Variants in KLF12 observed in about 807,000 individuals in gnomAD.
KLF12 encodes Krueppel-like factor 12.
In KLF12, 9 loss-of-function variants were observed where a neutral mutation model predicts 37.8. The observed-to-expected ratio is 0.24, with a 90% CI of 0.14 to 0.42. The LOEUF is 0.42. Ranked by LOEUF, KLF12 falls within the 10% of genes least tolerant of loss-of-function variation. The pLI is 1.00. For missense variants in KLF12, 411 were observed against 516.0 expected (o/e 0.80, Z 1.97); for synonymous variants, 208 against 202.1 (o/e 1.03, Z -0.25).
chr13:73,891,410 A>T (rs1030874976), intron 3 of KLF12, among the ~76,000 whole-genome samples: 1 of 152,170 alleles, frequency 6.6e-6, no homozygotes, highest in African/African-American at 2.4e-5. Flanking sequence ...AGTTGAATAC[A>T]TTAACATTGG....
At chr13:74,249,379 C>CACACAA in the KLF12 span, among the ~76,000 whole-genome samples, 1 of 138,568 alleles carries the variant, frequency 7.2e-6, no homozygotes, top group Admixed American at 7.2e-5. Context: ...CACACACACA[C>CACACAA]GCACACCCTC....
At chr13:73,874,628 T>C (rs897900790) in intron 3 of KLF12, among the ~76,000 whole-genome samples, 1 of 152,212 alleles carries the variant, frequency 6.6e-6, no homozygotes, top group Non-Finnish European at 1.5e-5. Context: ...CATAGTCATA[T>C]AGGCCTGAAG....
rs139874932 is a variant in KLF12, at chr13:73,985,595, C to A, written c.33+9395G>T. ...TTACTTACAGTCCTGGCTCTAACGA[C>A]TCTCCATGTGTTTGCTCTCAATCTT... On this transcript the variant is annotated intron_variant, in intron 2 of 7. Coordinates refer to ENST00000377669, the MANE Select transcript of KLF12 (RefSeq NM_007249.5). 1.2e-4 allele frequency among the ~76,000 whole-genome samples: 19 copies of A among 152,278 alleles called. No homozygotes were observed. The East Asian group carries it at 3.7e-3, about 29-fold the overall frequency.
intron 6 of KLF12, among the ~76,000 whole-genome samples, chr13:73,753,443 CTCA>C (rs1878924983): frequency 6.6e-6 from 1 of 152,128 alleles, no homozygotes; most frequent in Non-Finnish European, 1.5e-5. Flanking sequence ...CAATCATATC[CTCA>C]TTACATTTTC....
chr13:74,200,061 A>C, the KLF12 span, among the ~76,000 whole-genome samples: 61,888 of 151,968 alleles, frequency 0.41, 15,722 homozygotes, highest in East Asian at 0.73. Context: ...ACTCAAGGAG[A>C]TCACACGGCA....
At chr13:74,212,861 T>C in the KLF12 span, among the ~76,000 whole-genome samples, 4 of 152,140 alleles carry the variant, frequency 2.6e-5, no homozygotes, top group Non-Finnish European at 1.5e-5. Context: ...TTTAAATTCT[T>C]TTTTTTCAGT....
intron 3 of KLF12, among the ~76,000 whole-genome samples, chr13:73,938,608 A>G (rs1054059418): frequency 4.6e-5 from 7 of 152,204 alleles, no homozygotes; most frequent in African/African-American, 1.4e-4. Flanking sequence ...ATAAAGCATA[A>G]GCTCTGCTCT....
chr13:73,821,097 T>C (rs1476070827), intron 4 of KLF12, among the ~76,000 whole-genome samples: 1 of 152,234 alleles, frequency 6.6e-6, no homozygotes, highest in Non-Finnish European at 1.5e-5. Flanking sequence ...CTGACTGAAA[T>C]ACATTATTCT....
chr13:73,697,008 T>C (rs1247541313), intron 7 of KLF12, among the ~76,000 whole-genome samples: 2 of 152,142 alleles, frequency 1.3e-5, no homozygotes, highest in Non-Finnish European at 2.9e-5. Context: ...GATCTGGGAC[T>C]ATTCTGCCTC....
chr13:73,956,860 G>T lies in KLF12; in HGVS notation c.34-12790C>A, dbSNP rs190363559. Reference sequence around the variant, plus strand: ...TGATCACTTGAGCCTGGGAGGTCGAGGCTATGACCCATAATTGTTCCACTG... The same window carrying T: ...TGATCACTTGAGCCTGGGAGGTCGATGCTATGACCCATAATTGTTCCACTG... On this transcript the variant is annotated intron_variant, in intron 2 of 7. Transcript: ENST00000377669. Among the ~76,000 whole-genome samples the T allele has an allele frequency of 5.6e-3, 844 of 151,806 alleles. 8 individuals carry two copies. Among genetic ancestry groups the T allele is most frequent in the African/African-American group, 0.019 (786 of 41,352 alleles).
At position 74,125,394 on chromosome 13, in the gene KLF12, T is replaced by C. The variant is rs117472564; in HGVS notation, c.-32+8345A>G. 2.2e-3 allele frequency among the ~76,000 whole-genome samples: 330 copies of C among 152,266 alleles called. 3 individuals are homozygous for C. The highest frequency in any genetic ancestry group is 8.3e-3 in the East Asian group (43 of 5,182). On this transcript the variant is annotated intron_variant, in intron 1 of 7. Coordinates refer to ENST00000377669, the MANE Select transcript of KLF12 (RefSeq NM_007249.5). ...TACATTATAATGTGCCACATAATTC[T>C]TACCCCACCCTCCTTGATTTTCAGC...
chr13:74,146,448 C>A, the KLF12 span, among the ~76,000 whole-genome samples: 4 of 151,980 alleles, frequency 2.6e-5, no homozygotes, highest in African/African-American at 9.7e-5. Flanking sequence ...TAAGACAGTA[C>A]AAAGCTTGAA....
intron 1 of KLF12, among the ~76,000 whole-genome samples, chr13:74,055,613 C>T (rs1417733498): frequency 1.3e-5 from 2 of 152,138 alleles, no homozygotes; most frequent in African/African-American, 4.8e-5. Flanking sequence ...TCTGTTTTCA[C>T]CTGGGCTTAG....
In KLF12 at chr13:73,718,805, G is replaced by A. The variant is rs918790122; in HGVS notation, c.870-3280C>T. 2.0e-5 allele frequency among the ~76,000 whole-genome samples: 3 copies of A among 152,122 alleles called. No individual in the cohort carries two copies. The East Asian group carries it at 5.8e-4, about 29-fold the overall frequency. On this transcript the variant is annotated intron_variant, in intron 6 of 7. Transcript: ENST00000377669. ...GCTACTTGGGAGGCTGAGGTGAGAGGATTGCTTAGGCTGGGGAGGTGGAGG... is the reference window on the plus strand; with the variant it reads ...GCTACTTGGGAGGCTGAGGTGAGAGAATTGCTTAGGCTGGGGAGGTGGAGG...
At chr13:73,821,764 C>T (rs1285407128) in intron 4 of KLF12, among the ~76,000 whole-genome samples, 5 of 152,142 alleles carry the variant, frequency 3.3e-5, no homozygotes, top group African/African-American at 4.8e-5. Flanking sequence ...GTCTTATCCC[C>T]GAAGCCCCTG....
At chr13:73,902,881 A>G (rs1422565046) in intron 3 of KLF12, among the ~76,000 whole-genome samples, 2 of 152,076 alleles carry the variant, frequency 1.3e-5, no homozygotes, top group Admixed American at 6.6e-5. Flanking sequence ...GGAGAAACCT[A>G]AAAAAAATTC....
chr13:73,714,302 C>CAGGG (rs1875628034), intron 7 of KLF12, among the ~76,000 whole-genome samples: 1 of 152,112 alleles, frequency 6.6e-6, no homozygotes, highest in African/African-American at 2.4e-5. Context: ...GGGAAAAGAA[C>CAGGG]AGGGAGCAGA....
At chr13:74,078,917 T>C (rs575938718) in intron 1 of KLF12, among the ~76,000 whole-genome samples, 125 of 152,166 alleles carry the variant, frequency 8.2e-4, no homozygotes, top group Admixed American at 3.0e-3. Flanking sequence ...TAAGTGCAAA[T>C]AAGAGACAAA....
rs530441931 is a variant in KLF12, at chr13:73,742,038, C to T, written c.869+22900G>A. ...TTTTACAAGAGGCTGAAAAAGCCTA[C>T]GGATATGGTGAGTTTTAAGCCCAAC... On this transcript the variant is annotated intron_variant, in intron 6 of 7. Coordinates refer to ENST00000377669, the MANE Select transcript of KLF12 (RefSeq NM_007249.5). Among the ~76,000 whole-genome samples, 649 of 152,086 alleles carry T rather than the reference C, an allele frequency of 4.3e-3. 6 individuals carry two copies. The highest frequency in any genetic ancestry group is 0.011 in the African/African-American group (469 of 41,480).
Sources: allele counts gnomAD v4.1 joint callset (sites outside exome capture counted in the v4.1 genomes callset), GRCh38; gene constraint gnomAD v4.1.1; transcripts MANE v1.5; gene names NCBI Gene and HGNC (gene_info 2026-07-23, HGNC 2026-07-21).